VPS35L: variants seen among roughly 807,000 people sequenced by gnomAD.
The protein encoded by VPS35L is VPS35 endosomal protein-sorting factor-like.
VPS35L carries 83 observed loss-of-function variants against 133.0 expected under a neutral mutation model. That is an observed-to-expected ratio of 0.62 (90% CI 0.52 to 0.75). The LOEUF is 0.75. Among genes scored for constraint, VPS35L ranks in the 30% least tolerant of loss-of-function variants. VPS35L has a pLI of 0.00. For missense variants in VPS35L, 1,083 were observed against 1,206.8 expected (o/e 0.90, Z 1.52); for synonymous variants, 423 against 449.9 (o/e 0.94, Z 0.76).
intron 12 of VPS35L, among the ~76,000 whole-genome samples, chr16:19,614,511 A>G (rs1972824181): frequency 6.6e-6 from 1 of 152,220 alleles, no homozygotes; most frequent in South Asian, 2.1e-4. Flanking sequence ...CCCGGGTTCA[A>G]GCGATCCTCC....
At chr16:19,696,266 G>A (rs1975907171) in intron 29 of VPS35L, among the ~76,000 whole-genome samples, 1 of 152,200 alleles carries the variant, frequency 6.6e-6, no homozygotes, top group Non-Finnish European at 1.5e-5. Context: ...CCAAGAGCAT[G>A]AGGCTTGGTA....
At chr16:19,604,129 T>G (rs567803706) in intron 9 of VPS35L, among the ~76,000 whole-genome samples, 31 of 152,044 alleles carry the variant, frequency 2.0e-4, no homozygotes, top group East Asian at 1.7e-3. Flanking sequence ...AAATAGGTTT[T>G]TTTTTTTTTT....
In VPS35L at chr16:19,569,501, G is replaced by C. The variant is rs751422794; in HGVS notation, c.195G>C (p.Val65=). 6.2e-7 allele frequency: 1 copy of C among 1,610,952 alleles called. No homozygotes were observed. Residue 65 remains valine (V), a synonymous_variant, in exon 3 of 31, where the codon GTG becomes GTC. Transcript: ENST00000417362. ...SSTSSSSSSS[V]VDPLSSVLDG... ...CGTCCTCCTCCTCCTCCAGCTCCGTGGTGGACCCGCTGAGCAGCGTCCTCG... is the reference window on the plus strand; with the variant it reads ...CGTCCTCCTCCTCCTCCAGCTCCGTCGTGGACCCGCTGAGCAGCGTCCTCG...
At chr16:19,576,180 A>C (rs998969584) in intron 5 of VPS35L, among the ~76,000 whole-genome samples, 87 of 137,512 alleles carry the variant, frequency 6.3e-4, no homozygotes, top group African/African-American at 2.5e-3. Flanking sequence ...AAAAAAAAAA[A>C]CAAAAAAAAA....
At chr16:19,576,128 T>G (rs1474803932) in intron 5 of VPS35L, among the ~76,000 whole-genome samples, 1 of 146,228 alleles carries the variant, frequency 6.8e-6, no homozygotes, top group Non-Finnish European at 1.5e-5. Flanking sequence ...ATCGTGCCAT[T>G]GCATTCCATT....
chr16:19,624,455 C>T (rs1973195790), intron 14 of VPS35L, among the ~76,000 whole-genome samples: 1 of 151,896 alleles, frequency 6.6e-6, no homozygotes, highest in Admixed American at 6.6e-5. Context: ...CATGATGGCA[C>T]ACACCTATAG....
intron 5 of VPS35L, 68 bp from the exon 6 acceptor site, chr16:19,578,984 G>A: frequency 8.0e-7 from 1 of 1,256,212 alleles, no homozygotes; most frequent in Non-Finnish European, 1.2e-6. Context: ...TAGAGTGAAA[G>A]ATGCCTCCAC....
intron 25 of VPS35L, 78 bp downstream of exon 25, chr16:19,650,537 C>A: frequency 8.5e-7 from 1 of 1,182,522 alleles, no homozygotes; most frequent in Non-Finnish European, 1.3e-6. Flanking sequence ...AATTACATTT[C>A]CCAGAAAAAG....
At chr16:19,650,486 G>A (rs1284280455) in intron 25 of VPS35L, 27 bp downstream of exon 25, 3 of 1,566,326 alleles carry the variant, frequency 1.9e-6, no homozygotes, top group South Asian at 2.2e-5. Context: ...AGGACTGTTG[G>A]ACCTCGAACT....
At chr16:19,618,812 G>A (rs1029179278) in intron 14 of VPS35L, among the ~76,000 whole-genome samples, 1 of 152,088 alleles carries the variant, frequency 6.6e-6, no homozygotes, top group African/African-American at 2.4e-5. Flanking sequence ...CTTAGTACTC[G>A]CAGACATGAT....
intron 27 of VPS35L, among the ~76,000 whole-genome samples, chr16:19,679,458 GT>G (rs1391094509): frequency 6.9e-6 from 1 of 145,904 alleles, no homozygotes; most frequent in Non-Finnish European, 1.5e-5. Flanking sequence ...TGTTGCCCAG[GT>G]TAAGAACAAT....
chr16:19,601,473 G>A (rs940601690), intron 8 of VPS35L, 191 bp from the exon 9 acceptor site: 12 of 562,102 alleles, frequency 2.1e-5, no homozygotes, highest in Non-Finnish European at 3.4e-5. Flanking sequence ...GAAAGTAAAA[G>A]TCTACTGGAA....
At chr16:19,678,481 ATT>A (rs776896300) in intron 27 of VPS35L, among the ~76,000 whole-genome samples, 21 of 141,686 alleles carry the variant, frequency 1.5e-4, no homozygotes, top group Non-Finnish European at 1.5e-4. Flanking sequence ...CCATCTGTAC[ATT>A]TTTTTTTTTT....
intron 26 of VPS35L, among the ~76,000 whole-genome samples, chr16:19,666,850 G>A (rs1304778464): frequency 6.6e-6 from 1 of 151,060 alleles, no homozygotes; most frequent in East Asian, 1.9e-4. Context: ...AGATCCTGTG[G>A]GTTCCATAAG....
intron 8 of VPS35L, among the ~76,000 whole-genome samples, chr16:19,594,598 CGCGCTGCTGCACTCCAGCCT>C (rs1230565192): frequency 3.9e-5 from 5 of 128,182 alleles, no homozygotes; most frequent in Admixed American, 9.6e-5. Context: ...GAGCTGAGAT[CGCGCTGCTGCACTCCAGCCT>C]GTGCCACAGA....
chr16:19,670,304 T>C (rs145073593), intron 27 of VPS35L, among the ~76,000 whole-genome samples: 3 of 152,304 alleles, frequency 2.0e-5, no homozygotes, highest in Non-Finnish European at 4.4e-5. Flanking sequence ...GCACTCTCTA[T>C]ACTGCCAAGG....
chr16:19,575,417 T>C (rs1451819594), intron 5 of VPS35L, among the ~76,000 whole-genome samples: 2 of 151,250 alleles, frequency 1.3e-5, no homozygotes, highest in Non-Finnish European at 2.9e-5. Flanking sequence ...AATACAAAAA[T>C]TTGCTGGGCG....
At chr16:19,591,543 C>G (rs1004294196) in intron 7 of VPS35L, among the ~76,000 whole-genome samples, 1 of 148,792 alleles carries the variant, frequency 6.7e-6, no homozygotes, top group East Asian at 2.0e-4. Context: ...TAGCGAGACC[C>G]CATCTCTACA....
chr16:19,666,975 C>CCTTTCTTT (rs1190339337), intron 26 of VPS35L, among the ~76,000 whole-genome samples: 4 of 76,744 alleles, frequency 5.2e-5, no homozygotes, highest in Admixed American at 3.7e-4. Context: ...TTCCTTTCTT[C>CCTTTCTTT]CTTTCTTTCT....
Sources: gnomAD v4.1 joint callset for allele counts (sites outside exome capture counted in the v4.1 genomes callset) on GRCh38, gnomAD v4.1.1 for gene constraint, MANE v1.5 for transcripts, NCBI Gene and HGNC (gene_info 2026-07-23, HGNC 2026-07-21) for gene names.